TENT2: variants seen among roughly 807,000 people sequenced by gnomAD.
TENT2 encodes poly(A) RNA polymerase GLD2.
TENT2 carries 44 observed loss-of-function variants against 72.2 expected under a neutral mutation model. The ratio of observed to expected loss-of-function variants is 0.61; its 90% CI spans 0.48 to 0.78. TENT2 has a LOEUF of 0.78. TENT2 is among the 30% of genes least tolerant of loss of function. The pLI is 0.00. For missense variants in TENT2, 541 were observed against 569.6 expected (o/e 0.95, Z 0.51); for synonymous variants, 212 against 192.5 (o/e 1.10, Z -0.84).
At chr5:79,655,027 CTT>C (rs1166235984) in intron 10 of TENT2, among the ~76,000 whole-genome samples, 2 of 152,170 alleles carry the variant, frequency 1.3e-5, no homozygotes, top group East Asian at 3.9e-4. Context: ...TTTGTTTTTA[CTT>C]TGCCTTTGAG....
At chr5:79,617,134 AAAG>A (rs1478244610) in intron 1 of TENT2, among the ~76,000 whole-genome samples, 1 of 151,802 alleles carries the variant, frequency 6.6e-6, no homozygotes, top group African/African-American at 2.4e-5. Context: ...AAAAAAAAGA[AAAG>A]AAAAAAGAAT....
intron 12 of TENT2, among the ~76,000 whole-genome samples, chr5:79,670,605 G>C (rs1250831821): frequency 6.6e-6 from 1 of 151,962 alleles, no homozygotes; most frequent in African/African-American, 2.4e-5. Flanking sequence ...TTACAGGTGT[G>C]AGCCACCGTG....
At position 79,668,601 on chromosome 5, in the gene TENT2, A is replaced by C; in HGVS notation, c.1072-291A>C. The C allele has an allele frequency of 4.0e-5, 10 of 249,296 alleles. No individual in the cohort carries two copies. The East Asian group carries it at 4.4e-4, about 11-fold the overall frequency. The allele number at this position is 249,296 out of a possible 1,614,324, so 15.4% of individuals were successfully genotyped here. ...GTATTGGGTAGATCTTGGTTTGTAT[A>C]GTAAGGTTTTATTTATGAGTTAGAA... On this transcript the variant is annotated intron_variant, in intron 11 of 14. Transcript: ENST00000453514.
At chr5:79,671,533 T>G (rs1221450750) in intron 12 of TENT2, among the ~76,000 whole-genome samples, 1 of 151,782 alleles carries the variant, frequency 6.6e-6, no homozygotes, top group African/African-American at 2.4e-5. Context: ...GCCTCCTGAG[T>G]AGCTGGGATT....
intron 11 of TENT2, among the ~76,000 whole-genome samples, chr5:79,663,195 A>G (rs1804454408): frequency 6.6e-6 from 1 of 152,194 alleles, no homozygotes; most frequent in Non-Finnish European, 1.5e-5. Flanking sequence ...TTTGGCTTAA[A>G]GAAGTATTTT....
chr5:79,660,886 G>C (rs947581536), intron 11 of TENT2, among the ~76,000 whole-genome samples: 5 of 152,128 alleles, frequency 3.3e-5, no homozygotes, highest in Non-Finnish European at 5.9e-5. Flanking sequence ...ATCTTCCAGT[G>C]GGACATGATG....
chr5:79,633,567 C>T (rs891579207), intron 4 of TENT2, among the ~76,000 whole-genome samples: 4 of 150,576 alleles, frequency 2.7e-5, no homozygotes, highest in Admixed American at 6.6e-5. Flanking sequence ...CAGGCATGCG[C>T]CACCATGCCC....
At chr5:79,665,019 A>T (rs1439750549) in intron 11 of TENT2, among the ~76,000 whole-genome samples, 1 of 152,202 alleles carries the variant, frequency 6.6e-6, no homozygotes, top group Non-Finnish European at 1.5e-5. Context: ...TGTAAAATCT[A>T]CTAAAGTCAG....
chr5:79,686,506 C>CT lies in TENT2; in HGVS notation c.*1234dup, dbSNP rs1442362032. 1 of 151,804 alleles carries CT rather than the reference C, an allele frequency of 6.6e-6. No homozygotes were observed. Among genetic ancestry groups the CT allele is most frequent in the East Asian group, 1.9e-4 (1 of 5,204 alleles). The allele number at this position is 151,804 out of a possible 1,614,324, so 9.4% of individuals were successfully genotyped here. ...CCTGCTGTAGTACAGTTTTGTACCT[C>CT]TAACGTATTTTTTTTTTGCAGACCA... On this transcript the variant is annotated 3_prime_UTR_variant, in exon 15 of 15. Transcript: ENST00000453514.
chr5:79,657,434 C>A (rs1561542410), intron 11 of TENT2, among the ~76,000 whole-genome samples: 1 of 152,082 alleles, frequency 6.6e-6, no homozygotes, highest in Non-Finnish European at 1.5e-5. Flanking sequence ...GATAATCTTT[C>A]TATCTTTAAT....
chr5:79,655,635 T>C (rs1180942997), intron 10 of TENT2, among the ~76,000 whole-genome samples: 1 of 151,958 alleles, frequency 6.6e-6, no homozygotes, highest in East Asian at 1.9e-4. Context: ...TGAGTGGGGT[T>C]TGAGTTTACT....
At chr5:79,644,215 C>G (rs1786863990) in intron 7 of TENT2, among the ~76,000 whole-genome samples, 1 of 152,106 alleles carries the variant, frequency 6.6e-6, no homozygotes, top group South Asian at 2.1e-4. Flanking sequence ...CTCCTGGCCT[C>G]AAGTGATACA....
At chr5:79,621,068 C>T (rs182294309) in intron 3 of TENT2, among the ~76,000 whole-genome samples, 234 of 151,310 alleles carry the variant, frequency 1.5e-3, no homozygotes, top group African/African-American at 5.6e-3. Flanking sequence ...ACCTTTATGT[C>T]CTATTAAAAA....
At chr5:79,663,230 G>C (rs75533726) in intron 11 of TENT2, among the ~76,000 whole-genome samples, 1,877 of 152,294 alleles carry the variant, frequency 0.012, 41 homozygotes, top group African/African-American at 0.043. Context: ...ATCCAGACCA[G>C]TGAAACTTTC....
At chr5:79,666,249 G>C (rs1807784201) in intron 11 of TENT2, among the ~76,000 whole-genome samples, 1 of 151,364 alleles carries the variant, frequency 6.6e-6, no homozygotes, top group Admixed American at 6.6e-5. Context: ...TCGGCCTCCT[G>C]AAGTGCTGGG....
chr5:79,635,512 G>A (rs1484027821), intron 4 of TENT2, among the ~76,000 whole-genome samples: 3 of 152,086 alleles, frequency 2.0e-5, no homozygotes, highest in Non-Finnish European at 4.4e-5. Context: ...TCATTCAGAT[G>A]AAAGAACTTT....
chr5:79,679,614 A>G lies in TENT2; in HGVS notation c.1244A>G (p.Lys415Arg), dbSNP rs1273974614. The G allele has an allele frequency of 2.5e-6, 4 of 1,602,842 alleles. No homozygotes were observed. The highest frequency in any genetic ancestry group is 4.5e-5 in the East Asian group (2 of 44,742). The change falls in exon 13 of 15, where the codon AAA becomes AGA. Residue 415 changes from lysine (K) to arginine (R), a missense_variant. By Grantham distance (26) the Lys-to-Arg change is conservative (BLOSUM62 2). Transcript: ENST00000453514. The stretch of plus-strand genomic sequence containing the variant: ...CAAATGATTTCAGTTCGTGAAGCCA[A>G]AGCCATTCCAAGGCCTGATGGTATT... ...NSQMISVREAKAIPRPDGIEW... is the reference protein window; with the variant it reads ...NSQMISVREARAIPRPDGIEW...
intron 10 of TENT2, among the ~76,000 whole-genome samples, chr5:79,655,764 A>C (rs939809352): frequency 1.3e-5 from 2 of 150,982 alleles, no homozygotes; most frequent in Non-Finnish European, 3.0e-5. Flanking sequence ...TTTTTTTACT[A>C]ATATTCTCAG....
intron 13 of TENT2, among the ~76,000 whole-genome samples, chr5:79,680,010 A>G (rs896136592): frequency 2.0e-5 from 3 of 152,178 alleles, no homozygotes; most frequent in African/African-American, 7.2e-5. Flanking sequence ...ATATTCTTTT[A>G]TACTTAAAAT....
Sources: gnomAD v4.1 joint callset for allele counts (sites outside exome capture counted in the v4.1 genomes callset) on GRCh38, gnomAD v4.1.1 for gene constraint, MANE v1.5 for transcripts, NCBI Gene and HGNC (gene_info 2026-07-23, HGNC 2026-07-21) for gene names.